The following PRUNE1 variants were observed in gnomAD, a reference collection of about 807,000 sequenced individuals.
PRUNE1 encodes prune exopolyphosphatase 1.
A neutral mutation model predicts 42.5 loss-of-function variants in PRUNE1; 25 were observed. The observed-to-expected ratio is 0.59, with a 90% CI of 0.43 to 0.82. PRUNE1 has a LOEUF of 0.82. Among genes scored for constraint, PRUNE1 ranks in the 40% least tolerant of loss-of-function variants. The pLI is 0.00. For synonymous variants in PRUNE1, 203 were observed against 217.1 expected (o/e 0.93, Z 0.57); for missense variants, 443 against 539.3 (o/e 0.82, Z 1.77).
At position 151,034,249 on chromosome 1, in the gene PRUNE1, G is replaced by A. The variant is rs1322303113; in HGVS notation, c.*15G>A. On this transcript the variant is annotated 3_prime_UTR_variant, in exon 8 of 8. Transcript: ENST00000271620. ...CCAAGAAGTGACTGTTGAGAGGCGA[G>A]GAGGTAGTGGGTGAGGCTACCTGAC... 1 of 1,596,108 alleles carries A rather than the reference G, an allele frequency of 6.3e-7. No individual in the cohort carries two copies. Among genetic ancestry groups the A allele is most frequent in the Non-Finnish European group, 8.6e-7 (1 of 1,167,230 alleles).
At position 151,008,941 on chromosome 1, in the gene PRUNE1, T is replaced by A. The variant is rs908397052; in HGVS notation, c.39+270T>A. ...AGCGGGGAGAAGTCTTGGGTCTGAA[T>A]CCTGCATTTGAGCCTCTGCTTGCTG... On this transcript the variant is annotated intron_variant, in intron 1 of 7. Transcript: ENST00000271620. 37 of 623,696 alleles carry A rather than the reference T, an allele frequency of 5.9e-5. No individual in the cohort carries two copies. The Admixed American group carries it at 7.6e-4, about 13-fold the overall frequency. 38.6% of individuals were successfully genotyped at this position (623,696 alleles called of 1,614,324 possible).
chr1:151,017,158 A>G (rs1043594417), intron 1 of PRUNE1, among the ~76,000 whole-genome samples: 1 of 152,088 alleles, frequency 6.6e-6, no homozygotes, highest in Non-Finnish European at 1.5e-5. Flanking sequence ...AAAATAATCA[A>G]CCAGGGTTGA....
intron 1 of PRUNE1, among the ~76,000 whole-genome samples, chr1:151,016,745 G>T (rs992823117): frequency 1.3e-5 from 2 of 151,140 alleles, no homozygotes; most frequent in East Asian, 3.9e-4. Context: ...TAGGTGATCC[G>T]CCCGCCTCAG....
rs1675401930 is a variant in PRUNE1 at position 151,033,898 on chromosome 1, C to T, written c.1026C>T (p.Gly342=). Residue 342 remains glycine (G), a synonymous_variant, in exon 8 of 8, where the codon GGC becomes GGT. Transcript: ENST00000271620. The part of the protein sequence containing the change: ...THPNLHAYLQ[G]NTQVSRKKLL... ...CTAACCTCCATGCCTATCTTCAAGG[C>T]AACACCCAGGTCTCTCGAAAGAAAC... 1 of 1,613,800 alleles carries T rather than the reference C, an allele frequency of 6.2e-7. No homozygotes were observed. Among genetic ancestry groups the T allele is most frequent in the Admixed American group, 1.7e-5 (1 of 59,988 alleles).
intron 7 of PRUNE1, among the ~76,000 whole-genome samples, chr1:151,029,558 G>A (rs891059693): frequency 9.3e-5 from 14 of 151,132 alleles, no homozygotes; most frequent in East Asian, 4.0e-4. Context: ...TAGTAGAGAC[G>A]GGGTTTCACC....
intron 1 of PRUNE1, among the ~76,000 whole-genome samples, chr1:151,013,489 C>G (rs587741476): frequency 6.6e-6 from 1 of 152,296 alleles, no homozygotes; most frequent in East Asian, 1.9e-4. Flanking sequence ...CTACTTTGTG[C>G]TTTTCTGCTT....
At chr1:151,032,954 C>T (rs967975209) in intron 7 of PRUNE1, among the ~76,000 whole-genome samples, 4 of 150,606 alleles carry the variant, frequency 2.7e-5, no homozygotes, top group East Asian at 2.0e-4. Flanking sequence ...TTGTATTTTT[C>T]GTAGAGATGG....
At chr1:151,027,974 T>A (rs1230761027) in intron 6 of PRUNE1, among the ~76,000 whole-genome samples, 2 of 152,142 alleles carry the variant, frequency 1.3e-5, no homozygotes, top group Non-Finnish European at 2.9e-5. Flanking sequence ...CCATGCTTGA[T>A]CTGGCCCTTG....
Position 151,008,483 on chromosome 1 carries a change from C to A in PRUNE1, c.-150C>A, listed in dbSNP as rs587706413. ...CGCAGTTCCTCCCGGGGTCGGAGGC[C>A]GATTCGCCGTGTGGCGGGTTCGAGT... is the stretch of plus-strand genomic sequence containing the variant. On this transcript the variant is annotated 5_prime_UTR_variant, in exon 1 of 8. Transcript: ENST00000271620. 1.0e-5 allele frequency: 12 copies of A among 1,202,432 alleles called. No homozygotes were observed. The highest frequency in any genetic ancestry group is 1.5e-5 in the African/African-American group (1 of 66,440). 74.5% of individuals were successfully genotyped at this position (1,202,432 alleles called of 1,614,324 possible).
chr1:151,016,882 C>T (rs1022829113), intron 1 of PRUNE1, among the ~76,000 whole-genome samples: 3 of 151,726 alleles, frequency 2.0e-5, no homozygotes, highest in Non-Finnish European at 2.9e-5. Flanking sequence ...AGCATTCGGC[C>T]GAGCACGGTG....
At chr1:151,018,868 C>T (rs587687113) in intron 3 of PRUNE1, among the ~76,000 whole-genome samples, 199 bp downstream of exon 3, 2 of 151,910 alleles carry the variant, frequency 1.3e-5, no homozygotes, top group Non-Finnish European at 1.5e-5. Context: ...CATGGCAAAA[C>T]CCCGTCTCTA....
intron 4 of PRUNE1, 27 bp from the exon 5 acceptor site, chr1:151,025,488 A>G: frequency 1.2e-6 from 2 of 1,606,928 alleles, no homozygotes; most frequent in Non-Finnish European, 8.5e-7. Context: ...CACAGGATTC[A>G]AGTTCCACCA....
chr1:151,013,005 C>T (rs587710802), intron 1 of PRUNE1, among the ~76,000 whole-genome samples: 5 of 152,178 alleles, frequency 3.3e-5, no homozygotes, highest in Admixed American at 1.3e-4. Flanking sequence ...TGAGGTGATT[C>T]GCCCACCTTG....
At chr1:151,019,144 A>C (rs1674273839) in intron 3 of PRUNE1, among the ~76,000 whole-genome samples, 1 of 152,230 alleles carries the variant, frequency 6.6e-6, no homozygotes, top group Non-Finnish European at 1.5e-5. Context: ...TCAGTTCTGC[A>C]GTTATATGTA....
At chr1:151,020,899 A>G (rs189894972) in intron 3 of PRUNE1, among the ~76,000 whole-genome samples, 77 of 151,690 alleles carry the variant, frequency 5.1e-4, no homozygotes, top group Admixed American at 2.7e-3. Flanking sequence ...GGAGAATGGC[A>G]TGAACCCGGG....
chr1:151,029,170 A>G (rs1675071743), intron 7 of PRUNE1, among the ~76,000 whole-genome samples: 1 of 148,430 alleles, frequency 6.7e-6, no homozygotes, highest in Non-Finnish European at 1.5e-5. Flanking sequence ...ATCCTTAATC[A>G]TAGCATTGTT....
chr1:151,018,718 T>G lies in PRUNE1; in HGVS notation c.335+49T>G, dbSNP rs189684881. 757 of 1,525,876 alleles carry G rather than the reference T, an allele frequency of 5.0e-4. 2 individuals carry two copies. The African/African-American group carries it at 9.2e-3, about 19-fold the overall frequency. 94.5% of individuals were successfully genotyped at this position (1,525,876 alleles called of 1,614,324 possible). ...CTACCTATCATGTACCATGCTGGGC[T>G]CTGATGAGTGAGATATAAAGAGAGG... On this transcript the variant is annotated intron_variant, in intron 3 of 7. Coordinates refer to ENST00000271620, the MANE Select transcript of PRUNE1 (RefSeq NM_021222.3).
At chr1:151,016,114 A>G (rs1353364599) in intron 1 of PRUNE1, among the ~76,000 whole-genome samples, 6 of 151,948 alleles carry the variant, frequency 3.9e-5, no homozygotes, top group African/African-American at 1.2e-4. Context: ...GCGCATGCCT[A>G]TAGTCCCAGG....
At chr1:151,028,985 G>GTACC in intron 7 of PRUNE1, 41 bp downstream of exon 7, 1 of 1,567,412 alleles carries the variant, frequency 6.4e-7, no homozygotes, top group Non-Finnish European at 8.8e-7. Context: ...GCCTTACAGA[G>GTACC]TCTGCCTGTA....
Sources: allele counts gnomAD v4.1 joint callset (sites outside exome capture counted in the v4.1 genomes callset), GRCh38; gene constraint gnomAD v4.1.1; transcripts MANE v1.5; gene names NCBI Gene and HGNC (gene_info 2026-07-23, HGNC 2026-07-21).